The following PTPRJ variants were observed in gnomAD, a reference collection of about 807,000 sequenced individuals.
The protein encoded by PTPRJ is protein tyrosine phosphatase receptor type J.
Under a neutral mutation model 141.3 loss-of-function variants are expected in PTPRJ, and 129 were observed. That is an observed-to-expected ratio of 0.91 (90% CI 0.79 to 1.06). PTPRJ has a LOEUF of 1.06. Among genes scored for constraint, PTPRJ ranks in the 50% least tolerant of loss-of-function variants. The pLI, the probability that PTPRJ is intolerant of heterozygous loss-of-function variation, is 0.00. For synonymous variants in PTPRJ, 610 were observed against 640.5 expected (o/e 0.95, Z 0.72); for missense variants, 1,601 against 1,679.7 (o/e 0.95, Z 0.82).
intron 1 of PTPRJ, among the ~76,000 whole-genome samples, chr11:48,043,503 G>A (rs927697382): frequency 1.2e-4 from 18 of 152,326 alleles, no homozygotes; most frequent in African/African-American, 4.1e-4. Context: ...CAGTGAGTGA[G>A]GGGAAAGCAG....
chr11:48,050,684 T>TA (rs1318627933), intron 1 of PTPRJ, among the ~76,000 whole-genome samples: 1 of 150,110 alleles, frequency 6.7e-6, no homozygotes, highest in Non-Finnish European at 1.5e-5. Flanking sequence ...ATCCAATTTA[T>TA]AAAAAACCTC....
rs1453044252 is a variant in PTPRJ, at chr11:48,139,420, C to T, written c.2153-66C>T. On this transcript the variant is annotated intron_variant, in intron 10 of 24. Transcript: ENST00000418331. ...TTCTCATCCCCAGGATTCTGCTACT[C>T]CCTATTTCCATGTTTGCAAAGGCAA... The T allele has an allele frequency of 2.6e-6, 4 of 1,545,198 alleles. No individual in the cohort carries two copies. The African/African-American group carries it at 4.1e-5, about 16-fold the overall frequency.
At chr11:48,005,910 T>C (rs548571197) in intron 1 of PTPRJ, among the ~76,000 whole-genome samples, 2 of 152,258 alleles carry the variant, frequency 1.3e-5, no homozygotes, top group Non-Finnish European at 2.9e-5. Flanking sequence ...GCTGCATGGC[T>C]AGACAATGGC....
At chr11:48,019,329 G>A (rs1855044150) in intron 1 of PTPRJ, among the ~76,000 whole-genome samples, 1 of 152,050 alleles carries the variant, frequency 6.6e-6, no homozygotes, top group Admixed American at 6.5e-5. Flanking sequence ...GCCTCTCCAG[G>A]CCTCTGACTT....
intron 24 of PTPRJ, among the ~76,000 whole-genome samples, chr11:48,165,322 A>G (rs1857892527): frequency 6.6e-6 from 1 of 152,248 alleles, no homozygotes; most frequent in Non-Finnish European, 1.5e-5. Context: ...ATCAATTATC[A>G]TAGCTACAGA....
At chr11:48,003,783 A>C (rs1381431999) in intron 1 of PTPRJ, among the ~76,000 whole-genome samples, 1 of 152,214 alleles carries the variant, frequency 6.6e-6, no homozygotes, top group East Asian at 1.9e-4. Flanking sequence ...GGCGTGAGCC[A>C]CCGTGCCCAG....
chr11:48,089,118 CA>C (rs938780054), intron 1 of PTPRJ, among the ~76,000 whole-genome samples: 4 of 152,104 alleles, frequency 2.6e-5, no homozygotes, highest in African/African-American at 7.2e-5. Context: ...TTATTCATAC[CA>C]ACATGTTGTT....
intron 1 of PTPRJ, among the ~76,000 whole-genome samples, chr11:48,092,323 A>G (rs1855891300): frequency 6.8e-6 from 1 of 147,916 alleles, no homozygotes; most frequent in Non-Finnish European, 1.5e-5. Context: ...AAAAAGAAAA[A>G]GAAAAAAAGA....
chr11:48,042,024 C>G (rs1377012537), intron 1 of PTPRJ, among the ~76,000 whole-genome samples: 2 of 151,656 alleles, frequency 1.3e-5, no homozygotes, highest in African/African-American at 4.8e-5. Flanking sequence ...GAGAGGAAGG[C>G]TTTTCCTTCT....
At position 48,153,897 on chromosome 11, in the gene PTPRJ, T is replaced by G; in HGVS notation, c.3229+11T>G. ...ATAATGTTCTGCCCTGTAAGTTATTTTATCTACAGCATCTTCTCTGTGTTC... is the reference window on the plus strand; with the variant it reads ...ATAATGTTCTGCCCTGTAAGTTATTGTATCTACAGCATCTTCTCTGTGTTC... On this transcript the variant is annotated intron_variant, in intron 19 of 24. Transcript: ENST00000418331. 6.4e-7 allele frequency: 1 copy of G among 1,567,728 alleles called. No homozygotes were observed. The highest frequency in any genetic ancestry group is 8.8e-7 in the Non-Finnish European group (1 of 1,137,848).
At position 48,144,869 on chromosome 11, in the gene PTPRJ, C is replaced by A; in HGVS notation, c.2770C>A (p.Pro924Thr). 1 of 1,614,164 alleles carries A rather than the reference C, an allele frequency of 6.2e-7. No homozygotes were observed. Residue 924 changes from proline (P) to threonine (T), a missense_variant, in exon 13 of 25, where the codon CCT becomes ACT. Physicochemically the swap from Pro to Thr is conservative, Grantham distance 38. Coordinates refer to ENST00000418331, the MANE Select transcript of PTPRJ (RefSeq NM_002843.4). Reference sequence around the variant, plus strand: ...TGGTTATTACAATGGGAAGCTGGAACCTCTGGGCTCCTACCGGTAATGTCT... The same window carrying A: ...TGGTTATTACAATGGGAAGCTGGAAACTCTGGGCTCCTACCGGTAATGTCT... ...TLGYYNGKLE[P>T]LGSYRACVAG...
chr11:47,993,831 ATTTTTT>A (rs1001975747), intron 1 of PTPRJ, among the ~76,000 whole-genome samples: 11 of 139,474 alleles, frequency 7.9e-5, no homozygotes, highest in African/African-American at 2.6e-4. Context: ...CAAACAGTTC[ATTTTTT>A]TTTTTTTTTG....
intron 1 of PTPRJ, among the ~76,000 whole-genome samples, chr11:48,077,565 C>T (rs576172402): frequency 6.6e-6 from 1 of 152,286 alleles, no homozygotes; most frequent in South Asian, 2.1e-4. Context: ...TTCCAGGACT[C>T]CCCCCGACAG....
chr11:47,999,850 TGCCGAGA>T, intron 1 of PTPRJ, among the ~76,000 whole-genome samples: 1 of 142,106 alleles, frequency 7.0e-6, no homozygotes, highest in Middle Eastern at 3.6e-3. Context: ...TTTACTTTCA[TGCCGAGA>T]TTCTTCTTTT....
chr11:48,086,595 G>A (rs922772595), intron 1 of PTPRJ, among the ~76,000 whole-genome samples: 1 of 152,226 alleles, frequency 6.6e-6, no homozygotes, highest in Non-Finnish European at 1.5e-5. Context: ...GTAGCCTGAA[G>A]CTTTGTTTCC....
chr11:48,163,377 G>A (rs1349659895), intron 22 of PTPRJ, 81 bp from the exon 23 acceptor site: 2 of 1,375,044 alleles, frequency 1.5e-6, no homozygotes, highest in Non-Finnish European at 2.1e-6. Flanking sequence ...TAGTACTCAG[G>A]CTCTGCTTGA....
At chr11:47,998,438 G>A (rs933594355) in intron 1 of PTPRJ, among the ~76,000 whole-genome samples, 23 of 152,194 alleles carry the variant, frequency 1.5e-4, no homozygotes, top group African/African-American at 5.5e-4. Flanking sequence ...CCAAAACTGT[G>A]TTCTTGAAAA....
At chr11:48,073,651 T>C (rs1855321798) in intron 1 of PTPRJ, among the ~76,000 whole-genome samples, 1 of 152,022 alleles carries the variant, frequency 6.6e-6, no homozygotes, top group Admixed American at 6.5e-5. Flanking sequence ...CTTTCCCAAT[T>C]CCCTTGATCG....
intron 1 of PTPRJ, among the ~76,000 whole-genome samples, chr11:48,047,187 A>G (rs1486564507): frequency 6.6e-6 from 1 of 152,112 alleles, no homozygotes; most frequent in Non-Finnish European, 1.5e-5. Context: ...AAGCACTGGG[A>G]TTACAGGCAT....
Sources: gnomAD v4.1 joint callset for allele counts (sites outside exome capture counted in the v4.1 genomes callset) on GRCh38, gnomAD v4.1.1 for gene constraint, MANE v1.5 for transcripts, NCBI Gene and HGNC (gene_info 2026-07-23, HGNC 2026-07-21) for gene names.